DOCK9: variants seen among roughly 807,000 people sequenced by gnomAD.
DOCK9 encodes the protein dedicator of cytokinesis 9.
DOCK9 carries 89 observed loss-of-function variants against 263.3 expected under a neutral mutation model. The observed-to-expected ratio is 0.34, with a 90% CI of 0.28 to 0.40. DOCK9 has a LOEUF of 0.40. Among genes scored for constraint, DOCK9 ranks in the 10% least tolerant of loss-of-function variants. The probability of loss-of-function intolerance (pLI) is 1.00; values close to 1 mark genes in which losing one functional copy is unlikely to be tolerated. For missense variants in DOCK9, 2,140 were observed against 2,603.4 expected, an observed-to-expected ratio of 0.82 and a Z score of 3.87; for synonymous variants, 976 against 973.1, an observed-to-expected ratio of 1.00 and a Z score of -0.06.
At chr13:98,906,065 A>G (rs543483682) in intron 9 of DOCK9, among the ~76,000 whole-genome samples, 25 of 152,326 alleles carry the variant, frequency 1.6e-4, no homozygotes, top group Non-Finnish European at 1.5e-5. Flanking sequence ...GGAAAAACAA[A>G]TCTGCCAAAA....
chr13:98,883,735 G>T, intron 22 of DOCK9, 78 bp downstream of exon 22: 1 of 872,136 alleles, frequency 1.1e-6, no homozygotes, highest in Non-Finnish European at 1.8e-6. Context: ...TAACACATTA[G>T]GATTTTTTTC....
At chr13:98,887,143 A>ATATATATATATATATATATTTT (rs1470080750) in intron 18 of DOCK9, among the ~76,000 whole-genome samples, 1 of 95,292 alleles carries the variant, frequency 1.0e-5, no homozygotes, top group Non-Finnish European at 2.0e-5. Context: ...ATATATATAT[A>ATATATATATATATATATATTTT]TTTTTTTTTT....
At chr13:98,981,157 T>A (rs1595815093), upstream of DOCK9, among the ~76,000 whole-genome samples, 1 of 151,692 alleles carries the variant, frequency 6.6e-6, no homozygotes, top group South Asian at 2.1e-4. Flanking sequence ...CCTGGGCTCA[T>A]GCAATCCTCC....
chr13:98,976,294 G>T (rs1387342397), intron 1 of DOCK9, among the ~76,000 whole-genome samples: 2 of 152,148 alleles, frequency 1.3e-5, no homozygotes, highest in African/African-American at 4.8e-5. Flanking sequence ...CAGAGGAACT[G>T]CCTGGAGTGA....
chr13:98,917,896 G>C (rs1345845452), intron 7 of DOCK9, among the ~76,000 whole-genome samples: 1 of 152,168 alleles, frequency 6.6e-6, no homozygotes, highest in Non-Finnish European at 1.5e-5. Context: ...GTGGGCAGGA[G>C]ATGCCCCCTT....
At chr13:99,048,239 AG>A (rs1431828160) in intron 1 of DOCK9, among the ~76,000 whole-genome samples, 1 of 152,230 alleles carries the variant, frequency 6.6e-6, no homozygotes, top group Non-Finnish European at 1.5e-5. Flanking sequence ...AGCCAACAGC[AG>A]GATTTTCACC....
chr13:98,837,452 G>T, intron 39 of DOCK9, 42 bp downstream of exon 39: 1 of 1,400,006 alleles, frequency 7.1e-7, no homozygotes, highest in Non-Finnish European at 1.0e-6. Context: ...GAATGAATGT[G>T]AAAGGTAAAA....
chr13:98,831,724 C>T lies in DOCK9; in HGVS notation c.4377G>A (p.Leu1459=), dbSNP rs2092772236. The change falls in exon 40 of 53, where the codon CTG becomes CTA. Residue 1459 remains leucine, a synonymous_variant. Transcript: ENST00000682017. ...PLMKKVFDVY[L]CFLQKHQSET... ...CAGACTGATGTTTTTGAAGAAAACACAGGTAGACATCAAAAACTTTTTTCA... is the reference window on the plus strand; with the variant it reads ...CAGACTGATGTTTTTGAAGAAAACATAGGTAGACATCAAAAACTTTTTTCA... The T allele has an allele frequency of 6.2e-7, 1 of 1,613,990 alleles. No individual in the cohort carries two copies. Among genetic ancestry groups the T allele is most frequent in the Non-Finnish European group, 8.5e-7 (1 of 1,179,880 alleles).
chr13:99,024,024 A>G (rs1886431391), intron 1 of DOCK9, among the ~76,000 whole-genome samples: 1 of 152,220 alleles, frequency 6.6e-6, no homozygotes, highest in Non-Finnish European at 1.5e-5. Flanking sequence ...AACCTGCCAG[A>G]AGTGGCAACT....
chr13:98,994,927 C>G (rs185651707), intron 1 of DOCK9, among the ~76,000 whole-genome samples: 76 of 152,256 alleles, frequency 5.0e-4, no homozygotes, highest in African/African-American at 1.8e-3. Flanking sequence ...TTTTACTTTT[C>G]TGTTCACTTT....
At chr13:99,058,407 C>A (rs1230149682) in intron 1 of DOCK9, among the ~76,000 whole-genome samples, 1 of 152,116 alleles carries the variant, frequency 6.6e-6, no homozygotes, top group African/African-American at 2.4e-5. Flanking sequence ...AGTGATCCGC[C>A]CACCTCGGCC....
chr13:98,964,656 G>A (rs944848688), intron 1 of DOCK9, among the ~76,000 whole-genome samples: 1 of 152,212 alleles, frequency 6.6e-6, no homozygotes, highest in African/African-American at 2.4e-5. Context: ...CCTGAGCATG[G>A]TGAGTTCTGG....
intron 45 of DOCK9, among the ~76,000 whole-genome samples, chr13:98,814,054 G>A (rs1406037175): frequency 2.6e-5 from 4 of 152,174 alleles, no homozygotes; most frequent in Non-Finnish European, 5.9e-5. Context: ...CAGCCCTAAT[G>A]TTTCACTACA....
chr13:98,918,155 T>C (rs2051217644), intron 7 of DOCK9, among the ~76,000 whole-genome samples: 1 of 152,218 alleles, frequency 6.6e-6, no homozygotes, highest in Non-Finnish European at 1.5e-5. Flanking sequence ...GCCCTTTCTC[T>C]GTAGAAGGGA....
At chr13:99,042,163 G>A (rs1341380603) in intron 1 of DOCK9, among the ~76,000 whole-genome samples, 1 of 152,204 alleles carries the variant, frequency 6.6e-6, no homozygotes, top group East Asian at 1.9e-4. Context: ...AATAAGTCAG[G>A]CCCTTTTACT....
chr13:99,017,895 A>G (rs1885620523), intron 1 of DOCK9, among the ~76,000 whole-genome samples: 1 of 152,228 alleles, frequency 6.6e-6, no homozygotes, highest in South Asian at 2.1e-4. Context: ...AAAATAAAGA[A>G]AAAAGGTAAC....
chr13:98,894,887 T>C (rs143468954), intron 15 of DOCK9, among the ~76,000 whole-genome samples: 9,720 of 146,324 alleles, frequency 0.066, 516 homozygotes, highest in African/African-American at 0.15. Flanking sequence ...GGCGGGCAGA[T>C]TGCCTGAGGT....
At chr13:99,068,896 G>C (rs971971572) in intron 1 of DOCK9, among the ~76,000 whole-genome samples, 1 of 152,146 alleles carries the variant, frequency 6.6e-6, no homozygotes, top group Non-Finnish European at 1.5e-5. Flanking sequence ...TGGCACCTCT[G>C]CTATCACCAT....
At chr13:98,887,812 A>G (rs2046016776) in intron 18 of DOCK9, among the ~76,000 whole-genome samples, 1 of 152,050 alleles carries the variant, frequency 6.6e-6, no homozygotes, top group South Asian at 2.1e-4. Flanking sequence ...ATTGTTGATC[A>G]GTTATTATTA....
Sources: allele counts gnomAD v4.1 joint callset (sites outside exome capture counted in the v4.1 genomes callset), GRCh38; gene constraint gnomAD v4.1.1; transcripts MANE v1.5; gene names NCBI Gene and HGNC (gene_info 2026-07-23, HGNC 2026-07-21).